Variants in MAST4 observed in about 807,000 individuals in gnomAD.
MAST4 encodes microtubule-associated serine/threonine-protein kinase 4.
A neutral mutation model predicts 162.7 loss-of-function variants in MAST4; 89 were observed. That is an observed-to-expected ratio of 0.55 (90% CI 0.46 to 0.65). The LOEUF (loss-of-function observed/expected upper bound fraction) is 0.65, where lower values mean the gene tolerates loss of function less well. Ranked by LOEUF, MAST4 falls within the 30% of genes least tolerant of loss-of-function variation. The pLI is 0.00. For synonymous variants in MAST4, 1,479 were observed against 1,361.1 expected (o/e 1.09, Z -1.91); for missense variants, 3,153 against 3,374.0 (o/e 0.93, Z 1.62).
intron 1 of MAST4, among the ~76,000 whole-genome samples, chr5:66,717,007 G>C (rs934712026): frequency 2.0e-5 from 3 of 152,174 alleles, no homozygotes; most frequent in Non-Finnish European, 4.4e-5. Flanking sequence ...CATTCTGTAG[G>C]GGGAGACCAG....
At chr5:67,017,367 T>C (rs1418157539) in intron 4 of MAST4, among the ~76,000 whole-genome samples, 1 of 152,128 alleles carries the variant, frequency 6.6e-6, no homozygotes, top group Non-Finnish European at 1.5e-5. Context: ...AGAAAGTGTG[T>C]CTTATTACTA....
chr5:66,697,391 T>C (rs1749477098), intron 1 of MAST4, among the ~76,000 whole-genome samples: 2 of 152,218 alleles, frequency 1.3e-5, no homozygotes, highest in African/African-American at 4.8e-5. Flanking sequence ...ATGATAACCA[T>C]ATCAGAAAGT....
chr5:67,034,825 G>A (rs1057165875), intron 4 of MAST4, among the ~76,000 whole-genome samples: 1 of 152,116 alleles, frequency 6.6e-6, no homozygotes, highest in Non-Finnish European at 1.5e-5. Flanking sequence ...AGAGTAGCTG[G>A]TTATGTCTAG....
chr5:66,877,931 G>A (rs145695675), intron 3 of MAST4, among the ~76,000 whole-genome samples: 28 of 152,262 alleles, frequency 1.8e-4, no homozygotes, highest in East Asian at 7.7e-4. Context: ...GGTATCAGGC[G>A]TTCCTAAGGC....
chr5:66,612,349 G>A (rs564946993), intron 1 of MAST4, among the ~76,000 whole-genome samples: 46 of 152,276 alleles, frequency 3.0e-4, no homozygotes, highest in South Asian at 8.3e-4. Flanking sequence ...TTCACATAAC[G>A]AGTGCTGGTA....
At chr5:66,941,301 G>T (rs1301895076) in intron 4 of MAST4, among the ~76,000 whole-genome samples, 1 of 152,162 alleles carries the variant, frequency 6.6e-6, no homozygotes, top group Non-Finnish European at 1.5e-5. Context: ...GAAAGTCCCA[G>T]AAGGCTGTAT....
chr5:66,608,602 A>AG (rs1743063757), intron 1 of MAST4, among the ~76,000 whole-genome samples: 1 of 152,010 alleles, frequency 6.6e-6, no homozygotes, highest in African/African-American at 2.4e-5. Context: ...ATCCCTGCGG[A>AG]GGAGTTTGAC....
chr5:67,064,977 A>G (rs1760054690), intron 5 of MAST4, among the ~76,000 whole-genome samples: 1 of 152,192 alleles, frequency 6.6e-6, no homozygotes, highest in Non-Finnish European at 1.5e-5. Context: ...CCATTTTTGT[A>G]TTCGACATTT....
chr5:66,782,612 G>A (rs374577935), intron 2 of MAST4, among the ~76,000 whole-genome samples: 22 of 152,298 alleles, frequency 1.4e-4, no homozygotes, highest in African/African-American at 5.1e-4. Context: ...AGTCATGCCA[G>A]TAGAAAACAT....
At chr5:67,061,353 T>A (rs1445586217) in intron 5 of MAST4, among the ~76,000 whole-genome samples, 2 of 152,248 alleles carry the variant, frequency 1.3e-5, no homozygotes, top group Admixed American at 1.3e-4. Context: ...ATTAACCATT[T>A]GTATCTCCTT....
intron 1 of MAST4, among the ~76,000 whole-genome samples, chr5:66,687,059 C>G (rs1264653793): frequency 6.6e-6 from 1 of 151,896 alleles, no homozygotes; most frequent in Non-Finnish European, 1.5e-5. Flanking sequence ...GATTTTGTAG[C>G]TTTCTTATTT....
intron 12 of MAST4, among the ~76,000 whole-genome samples, chr5:67,117,827 G>T (rs946838367): frequency 5.3e-5 from 8 of 151,978 alleles, no homozygotes; most frequent in African/African-American, 1.5e-4. Context: ...TAAATTCAAG[G>T]ATGCCTTCCA....
In MAST4 at chr5:66,860,231, A is replaced by C. The variant is rs1759997219; in HGVS notation, c.643-39720A>C. On this transcript the variant is annotated intron_variant, in intron 3 of 28. Transcript: ENST00000403625. The stretch of plus-strand genomic sequence containing the variant: ...AAAAATAGCATTTCCTGGGGCTGTT[A>C]TAAACATTACAGTAGTTGATACATG... 1.3e-5 allele frequency among the ~76,000 whole-genome samples: 2 copies of C among 152,224 alleles called. 1 individual carries two copies. The highest frequency in any genetic ancestry group is 4.1e-4 in the South Asian group (2 of 4,834).
intron 1 of MAST4, among the ~76,000 whole-genome samples, chr5:66,746,189 C>T (rs1752748382): frequency 6.6e-6 from 1 of 152,130 alleles, no homozygotes; most frequent in African/African-American, 2.4e-5. Context: ...CCATAGAAAC[C>T]CTAGAAACTA....
chr5:67,061,298 A>T (rs1379703293), intron 5 of MAST4, among the ~76,000 whole-genome samples: 1 of 152,204 alleles, frequency 6.6e-6, no homozygotes, highest in African/African-American at 2.4e-5. Context: ...ACTATTCGTA[A>T]TGTACATGTT....
chr5:67,116,795 G>C (rs966766625), intron 12 of MAST4, among the ~76,000 whole-genome samples: 3 of 152,058 alleles, frequency 2.0e-5, no homozygotes, highest in Non-Finnish European at 2.9e-5. Context: ...CAGTCTGAGC[G>C]ACAGAACAAG....
At chr5:67,016,411 C>T (rs942016392) in intron 4 of MAST4, among the ~76,000 whole-genome samples, 19 of 152,062 alleles carry the variant, frequency 1.2e-4, no homozygotes, top group Non-Finnish European at 2.5e-4. Context: ...ATTTTAGTAC[C>T]TTTTTAATTT....
At chr5:66,837,373 C>T (rs1758051653) in intron 3 of MAST4, among the ~76,000 whole-genome samples, 1 of 151,838 alleles carries the variant, frequency 6.6e-6, no homozygotes, top group East Asian at 1.9e-4. Flanking sequence ...TTGAACCATC[C>T]AACAGTAAGC....
At position 67,167,170 on chromosome 5, in the gene MAST4, T is replaced by C. The variant is rs1254950096; in HGVS notation, c.*119T>C. The C allele has an allele frequency of 6.2e-6, 5 of 811,814 alleles. No homozygotes were observed. Among genetic ancestry groups the C allele is most frequent in the East Asian group, 3.0e-5 (1 of 33,068 alleles). The allele number at this position is 811,814 out of a possible 1,614,324, so 50.3% of individuals were successfully genotyped here. ...CCGCCAGGCAGAGCTCGGAGCCTCA[T>C]TGAGACAGGGGAGAGAGAAAGACAA... On this transcript the variant is annotated 3_prime_UTR_variant, in exon 29 of 29. Coordinates refer to ENST00000403625, the MANE Select transcript of MAST4 (RefSeq NM_001164664.2).
Sources: gnomAD v4.1 joint callset for allele counts (sites outside exome capture counted in the v4.1 genomes callset) on GRCh38, gnomAD v4.1.1 for gene constraint, MANE v1.5 for transcripts, NCBI Gene and HGNC (gene_info 2026-07-23, HGNC 2026-07-21) for gene names.